The following COMMD10 variants were observed in gnomAD, a reference collection of about 807,000 sequenced individuals.
COMMD10 encodes the protein COMM domain-containing protein 10.
Under a neutral mutation model 28.9 loss-of-function variants are expected in COMMD10, and 33 were observed. The observed-to-expected ratio is 1.14, with a 90% CI of 0.87 to 1.53. The LOEUF (loss-of-function observed/expected upper bound fraction) is 1.53, where lower values mean the gene tolerates loss of function less well. Among genes scored for constraint, COMMD10 ranks in the 40% most tolerant of loss-of-function variants. The pLI is 0.00. For synonymous variants in COMMD10, 110 were observed against 81.7 expected, an observed-to-expected ratio of 1.35 and a Z score of -1.87; for missense variants, 310 against 233.4, an observed-to-expected ratio of 1.33 and a Z score of -2.14.
At chr5:116,149,041 C>T (rs1402486328) in intron 5 of COMMD10, among the ~76,000 whole-genome samples, 12 of 134,346 alleles carry the variant, frequency 8.9e-5, no homozygotes, top group Non-Finnish European at 6.3e-5. Context: ...GTGATATTCC[C>T]CTTCCTGTGT....
intron 5 of COMMD10, among the ~76,000 whole-genome samples, chr5:116,270,519 G>T (rs1029675091): frequency 2.6e-5 from 4 of 151,866 alleles, no homozygotes; most frequent in African/African-American, 9.7e-5. Context: ...TGATGAAAAG[G>T]AATGTTAGCA....
chr5:116,224,254 C>T (rs1458742175), intron 5 of COMMD10, among the ~76,000 whole-genome samples: 2 of 152,124 alleles, frequency 1.3e-5, no homozygotes, highest in African/African-American at 2.4e-5. Context: ...GTTGGGAATT[C>T]GTTTATTCCT....
In COMMD10 at chr5:116,154,577, C is replaced by G. The variant is rs183008330; in HGVS notation, c.510+20399C>G. ...GTAGTTTCAGGTAATCTTTGGAGCT[C>G]TGATATAAAAATTCTTTCAGATAGT... On this transcript the variant is annotated intron_variant, in intron 5 of 6. Transcript: ENST00000274458. Among the ~76,000 whole-genome samples the G allele has an allele frequency of 9.9e-5, 15 of 152,160 alleles. No homozygotes were observed. In the East Asian group the frequency reaches 2.9e-3, roughly 29 times the overall value.
chr5:116,254,105 C>G (rs1484848380), intron 5 of COMMD10, among the ~76,000 whole-genome samples: 1 of 152,058 alleles, frequency 6.6e-6, no homozygotes. Context: ...GTAGTATTCT[C>G]TGATGGTAGT....
chr5:116,208,209 A>G lies in COMMD10; in HGVS notation c.510+74031A>G, dbSNP rs747296740. On this transcript the variant is annotated intron_variant, in intron 5 of 6. Transcript: ENST00000274458. ...TGTTAGAAAAGGGAACATACAGGTT[A>G]GTATCTCTAACCATGTTGTAAAAGT... Among the ~76,000 whole-genome samples the G allele has an allele frequency of 4.3e-4, 66 of 152,230 alleles. 1 individual carries two copies. Among genetic ancestry groups the G allele is most frequent in the Non-Finnish European group, 7.3e-4 (50 of 68,036 alleles).
Position 116,087,582 on chromosome 5 carries a change from C to T in COMMD10, c.127C>T (p.Leu43=), listed in dbSNP as rs1408141426. The change falls in exon 2 of 7, where the codon CTG becomes TTG. Residue 43 remains leucine, a synonymous_variant. Coordinates refer to ENST00000274458, the MANE Select transcript of COMMD10 (RefSeq NM_016144.4). ...CACTCGGATTCTTCAAAAACTTCAC[C>T]TGAAGGTTTGTATTTGTGTGTTTCC... The part of the protein sequence containing the change: ...LLTRILQKLH[L]KAESSFSEEE... 10 of 1,595,732 alleles carry T rather than the reference C, an allele frequency of 6.3e-6. No individual in the cohort carries two copies. The highest frequency in any genetic ancestry group is 1.6e-4 in the Middle Eastern group (1 of 6,064).
chr5:116,163,305 C>T (rs1268191385), intron 5 of COMMD10, among the ~76,000 whole-genome samples: 1 of 151,574 alleles, frequency 6.6e-6, no homozygotes, highest in Non-Finnish European at 1.5e-5. Context: ...TAAACCAGGG[C>T]CAGGCATGGT....
chr5:116,087,491 G>A lies in COMMD10; in HGVS notation c.42-6G>A. On this transcript the variant is annotated splice_region_variant and splice_polypyrimidine_tract_variant and intron_variant, in intron 1 of 6. Transcript: ENST00000274458. ...TTTCAAAACTCTGTTTTATAATTTT[G>A]TTTAGCATGAAGAAAGCAGTGTCAC... is the stretch of plus-strand genomic sequence containing the variant. 1 of 1,577,770 alleles carries A rather than the reference G, an allele frequency of 6.3e-7. No individual in the cohort carries two copies.
chr5:116,192,591 C>T (rs1256519658), intron 5 of COMMD10, among the ~76,000 whole-genome samples: 2 of 152,064 alleles, frequency 1.3e-5, no homozygotes, highest in Non-Finnish European at 2.9e-5. Context: ...AAGATAAGGT[C>T]TTCAAATTAA....
chr5:116,152,666 A>C (rs1299867018), intron 5 of COMMD10, among the ~76,000 whole-genome samples: 1 of 151,742 alleles, frequency 6.6e-6, no homozygotes, highest in Non-Finnish European at 1.5e-5. Context: ...ATATGCTGCT[A>C]GTTACAGCAT....
At chr5:116,167,633 C>T (rs755634691) in intron 5 of COMMD10, among the ~76,000 whole-genome samples, 5 of 152,292 alleles carry the variant, frequency 3.3e-5, no homozygotes, top group Non-Finnish European at 7.4e-5. Flanking sequence ...CAGCGGATCT[C>T]TCGGCAGAAA....
chr5:116,159,890 C>T (rs1003410955), intron 5 of COMMD10, among the ~76,000 whole-genome samples: 2 of 152,102 alleles, frequency 1.3e-5, no homozygotes, highest in African/African-American at 4.8e-5. Flanking sequence ...CTTAATTCTC[C>T]TCCCTAGTGG....
chr5:116,206,427 G>T (rs1400959316), intron 5 of COMMD10, among the ~76,000 whole-genome samples: 2 of 152,146 alleles, frequency 1.3e-5, no homozygotes, highest in African/African-American at 4.8e-5. Flanking sequence ...AAGGTGGGCA[G>T]ATCACCTGAG....
At chr5:116,286,754 TAA>T (rs1751230011) in intron 5 of COMMD10, among the ~76,000 whole-genome samples, 1 of 151,866 alleles carries the variant, frequency 6.6e-6, no homozygotes, top group South Asian at 2.1e-4. Flanking sequence ...TTCTGGAATT[TAA>T]GATTTGTTTT....
chr5:116,276,418 G>T (rs903905155), intron 5 of COMMD10, among the ~76,000 whole-genome samples: 1 of 151,446 alleles, frequency 6.6e-6, no homozygotes, highest in Non-Finnish European at 1.5e-5. Flanking sequence ...TGTATTTTTA[G>T]TAGAGACAGG....
chr5:116,186,064 C>A (rs1748125789), intron 5 of COMMD10, among the ~76,000 whole-genome samples: 1 of 152,042 alleles, frequency 6.6e-6, no homozygotes, highest in Admixed American at 6.6e-5. Flanking sequence ...AGGAATTTTT[C>A]TTTCCTCCAT....
At chr5:116,127,982 G>C (rs1034076702) in intron 4 of COMMD10, among the ~76,000 whole-genome samples, 1 of 151,944 alleles carries the variant, frequency 6.6e-6, no homozygotes, top group African/African-American at 2.4e-5. Flanking sequence ...AGACTGCTCT[G>C]GATAAAAATT....
chr5:116,133,942 C>A (rs1223803421), intron 4 of COMMD10, 126 bp from the exon 5 acceptor site: 1 of 605,904 alleles, frequency 1.7e-6, no homozygotes, highest in African/African-American at 1.9e-5. Context: ...TAAAAGAGCC[C>A]TGGAACTGAC....
At chr5:116,153,148 G>A (rs1186273237) in intron 5 of COMMD10, among the ~76,000 whole-genome samples, 1 of 152,090 alleles carries the variant, frequency 6.6e-6, no homozygotes. Flanking sequence ...TTTCCTAAAA[G>A]TGATAATCTT....
Sources: gnomAD v4.1 joint callset for allele counts (sites outside exome capture counted in the v4.1 genomes callset) on GRCh38, gnomAD v4.1.1 for gene constraint, MANE v1.5 for transcripts, NCBI Gene and HGNC (gene_info 2026-07-23, HGNC 2026-07-21) for gene names.